ZNG1E: variants seen among roughly 807,000 people sequenced by gnomAD.
ZNG1E encodes Zn regulated GTPase metalloprotein activator 1E, also known as zinc-regulated GTPase metalloprotein activator 1E.
the ZNG1E span, among the ~76,000 whole-genome samples, chr9:65,671,413 G>A: frequency 1.7e-3 from 261 of 151,922 alleles, no homozygotes; most frequent in African/African-American, 5.5e-3. Flanking sequence ...CTCACCTTTC[G>A]GGTTCAAGCA....
At chr9:65,657,744 A>T in the ZNG1E span, among the ~76,000 whole-genome samples, 1 of 152,286 alleles carries the variant, frequency 6.6e-6, no homozygotes, top group Non-Finnish European at 1.5e-5. Context: ...CAAAAAAAGG[A>T]TAAATGCTTG....
the ZNG1E span, among the ~76,000 whole-genome samples, chr9:65,668,310 CA>C: frequency 2.1e-5 from 3 of 146,316 alleles, no homozygotes; most frequent in Non-Finnish European, 4.5e-5. Context: ...AATATTGGAC[CA>C]AAAAAATCTG....
chr9:65,714,456 G>A, the ZNG1E span, among the ~76,000 whole-genome samples: 3 of 148,270 alleles, frequency 2.0e-5, no homozygotes, highest in Admixed American at 6.7e-5. Flanking sequence ...GAGGAGAGGC[G>A]CTCTGCTTTT....
chr9:65,661,102 T>C, the ZNG1E span, among the ~76,000 whole-genome samples: 4 of 148,394 alleles, frequency 2.7e-5, no homozygotes, highest in African/African-American at 1.0e-4. Flanking sequence ...TATACGTTTT[T>C]TAAAAATAAA....
chr9:65,660,836 T>G, the ZNG1E span, among the ~76,000 whole-genome samples: 85 of 132,750 alleles, frequency 6.4e-4, no homozygotes, highest in African/African-American at 2.2e-3. Context: ...CAGATATATA[T>G]ATATATATAT....
At chr9:65,691,580 C>CT in the ZNG1E span, among the ~76,000 whole-genome samples, 3 of 152,256 alleles carry the variant, frequency 2.0e-5, no homozygotes, top group Admixed American at 1.3e-4. Flanking sequence ...CTAAGGTTTT[C>CT]TTTAAAAAAA....
At chr9:65,686,621 C>T in the ZNG1E span, among the ~76,000 whole-genome samples, 5 of 152,248 alleles carry the variant, frequency 3.3e-5, no homozygotes, top group Admixed American at 1.3e-4. Context: ...GGTGACAGAG[C>T]GAGACTCCAT....
chr9:65,710,076 G>A, the ZNG1E span, among the ~76,000 whole-genome samples: 1 of 146,006 alleles, frequency 6.8e-6, no homozygotes, highest in South Asian at 2.2e-4. Flanking sequence ...TCTCATTGTG[G>A]TTTTGATGTG....
At chr9:65,727,371 G>C in the ZNG1E span, among the ~76,000 whole-genome samples, 4 of 145,590 alleles carry the variant, frequency 2.7e-5, no homozygotes, top group Admixed American at 1.4e-4. Context: ...GCAACAAATA[G>C]CATGATGAAT....
At chr9:65,681,306 G>A in the ZNG1E span, among the ~76,000 whole-genome samples, 1 of 152,224 alleles carries the variant, frequency 6.6e-6, no homozygotes, top group Non-Finnish European at 1.5e-5. Context: ...AGAAATGGGG[G>A]TGGCCAAGTA....
chr9:65,664,534 A>T, the ZNG1E span, among the ~76,000 whole-genome samples: 1 of 80,652 alleles, frequency 1.2e-5, no homozygotes, highest in Non-Finnish European at 2.5e-5. Context: ...TGTAAGTCCA[A>T]TAAACCTCTT....
At chr9:65,691,766 G>A in the ZNG1E span, among the ~76,000 whole-genome samples, 1 of 151,438 alleles carries the variant, frequency 6.6e-6, no homozygotes, top group Non-Finnish European at 1.5e-5. Flanking sequence ...GAACACTTTT[G>A]GGCAATGATA....
chr9:65,714,680 C>T, the ZNG1E span, among the ~76,000 whole-genome samples: 2 of 152,030 alleles, frequency 1.3e-5, no homozygotes, highest in African/African-American at 4.8e-5. Flanking sequence ...GGGGGTGCCT[C>T]CCAGTTACCT....
the ZNG1E span, among the ~76,000 whole-genome samples, chr9:65,673,688 C>T: frequency 6.6e-6 from 1 of 152,250 alleles, no homozygotes; most frequent in South Asian, 2.1e-4. Flanking sequence ...GACTGGAGTC[C>T]CAGCTACTTG....
chr9:65,709,676 A>T, the ZNG1E span, among the ~76,000 whole-genome samples: 1 of 139,106 alleles, frequency 7.2e-6, no homozygotes, highest in African/African-American at 2.9e-5. Context: ...TACAAAGGAC[A>T]TGAACTCATC....
chr9:65,721,610 A>AG, the ZNG1E span, among the ~76,000 whole-genome samples: 22 of 150,244 alleles, frequency 1.5e-4, no homozygotes, highest in East Asian at 4.2e-3. Context: ...TTTAAAAAAA[A>AG]CAAATGTATT....
the ZNG1E span, among the ~76,000 whole-genome samples, chr9:65,722,697 A>ATTTTTTTTTTTTTT: frequency 3.0e-3 from 25 of 8,402 alleles, 5 homozygotes; most frequent in Non-Finnish European, 4.8e-3. Flanking sequence ...TGCCTAGCTA[A>ATTTTTTTTTTTTTT]TTTTTTTTTT....
chr9:65,657,688 A>C, the ZNG1E span, among the ~76,000 whole-genome samples: 1 of 152,256 alleles, frequency 6.6e-6, no homozygotes, highest in Non-Finnish European at 1.5e-5. Flanking sequence ...ATAATTTACC[A>C]TACATTTAAA....
At chr9:65,710,951 G>A in the ZNG1E span, among the ~76,000 whole-genome samples, 211 of 145,476 alleles carry the variant, frequency 1.5e-3, no homozygotes, top group African/African-American at 5.1e-3. Context: ...TGGGTAGTAT[G>A]GCCATTTTCA....
Sources: allele counts gnomAD v4.1 joint callset (sites outside exome capture counted in the v4.1 genomes callset), GRCh38; gene constraint gnomAD v4.1.1; transcripts MANE v1.5; gene names NCBI Gene and HGNC (gene_info 2026-07-23, HGNC 2026-07-21).